TRPM2: variants seen among roughly 807,000 people sequenced by gnomAD.
TRPM2 encodes the protein transient receptor potential cation channel subfamily M member 2.
TRPM2 carries 161 observed loss-of-function variants against 174.0 expected under a neutral mutation model. The ratio of observed to expected loss-of-function variants is 0.93; its 90% CI spans 0.81 to 1.05. The LOEUF is 1.05. Among genes scored for constraint, TRPM2 ranks in the 50% least tolerant of loss-of-function variants. TRPM2 has a pLI of 0.00. For missense variants in TRPM2, 2,057 were observed against 2,038.0 expected, an observed-to-expected ratio of 1.01 and a Z score of -0.18; for synonymous variants, 954 against 861.3, an observed-to-expected ratio of 1.11 and a Z score of -1.88.
Position 44,358,009 on chromosome 21 carries a change from C to T in TRPM2, c.254+3273C>T, listed in dbSNP as rs1317081552. ...CCAGGGCGGAACGAGTGGTGAGCATCGTCTGCCACAAACACAGCTTTTCAA... is the reference window on the plus strand; with the variant it reads ...CCAGGGCGGAACGAGTGGTGAGCATTGTCTGCCACAAACACAGCTTTTCAA... On this transcript the variant is annotated intron_variant, in intron 2 of 31. Coordinates refer to ENST00000397928, the MANE Select transcript of TRPM2 (RefSeq NM_003307.4). 3.3e-5 allele frequency among the ~76,000 whole-genome samples: 5 copies of T among 152,290 alleles called. No individual in the cohort carries two copies. In the East Asian group the frequency reaches 7.7e-4, roughly 23 times the overall value.
chr21:44,418,608 C>A, intron 22 of TRPM2, 53 bp downstream of exon 22: 1 of 1,600,848 alleles, frequency 6.2e-7, no homozygotes, highest in Non-Finnish European at 8.5e-7. Flanking sequence ...GGACCTCCTG[C>A]AGGTCCACAG....
At position 44,399,561 on chromosome 21, in the gene TRPM2, C is replaced by A; in HGVS notation, c.2208+120C>A. ...ACAGGCTTCAGGGCCCTCAGCAGCT[C>A]GGGGACAGCGCCTGACCCCTCGGCC... On this transcript the variant is annotated intron_variant, in intron 14 of 31. Transcript: ENST00000397928. The surrounding 1 kb of genome is among the most constrained non-coding windows in gnomAD (Gnocchi z 4.6). 1 of 1,366,798 alleles carries A rather than the reference C, an allele frequency of 7.3e-7. No homozygotes were observed. The highest frequency in any genetic ancestry group is 9.6e-7 in the Non-Finnish European group (1 of 1,036,962). 84.7% of individuals were successfully genotyped at this position (1,366,798 alleles called of 1,614,324 possible).
Position 44,397,769 on chromosome 21 carries a change from C to T in TRPM2, c.1955C>T (p.Ala652Val). ...WAQSQDCIAA[A>V]LACSKILKEL... ...CAGAGCCAGGACTGCATCGCAGCGG[C>T]CTTGGCCTGCAGCAAGATCCTGAAG... is the stretch of plus-strand genomic sequence containing the variant. Residue 652 changes from alanine (A) to valine (V), a missense_variant, in exon 13 of 32, where the codon GCC (alanine) becomes GTC (valine). Transcript: ENST00000397928. 6.3e-7 allele frequency: 1 copy of T among 1,598,960 alleles called. No homozygotes were observed. Among genetic ancestry groups the T allele is most frequent in the Non-Finnish European group, 8.5e-7 (1 of 1,172,726 alleles).
rs866142073 is a variant in TRPM2 at position 44,430,419 on chromosome 21, T to A, written c.3974+3308T>A. On this transcript the variant is annotated intron_variant, in intron 27 of 31. Coordinates refer to ENST00000397928, the MANE Select transcript of TRPM2 (RefSeq NM_003307.4). The stretch of plus-strand genomic sequence containing the variant: ...ACATATTTTGAGCAAGTGGATTTCT[T>A]TTTTTTTTTTTTTTTTTTTTTGAGA... Among the ~76,000 whole-genome samples the A allele has an allele frequency of 5.6e-4, 4 of 7,168 alleles. 2 individuals are homozygous for A. Among genetic ancestry groups the A allele is most frequent in the Non-Finnish European group, 1.2e-3 (4 of 3,446 alleles). The allele number at this position is 7,168 out of a possible 152,430, so 4.7% of individuals were successfully genotyped here. A position where few individuals can be genotyped will look rare whatever the true frequency, so the allele number is the denominator to read the frequency against.
At chr21:44,418,636 C>T (rs1048423348) in intron 22 of TRPM2, 81 bp downstream of exon 22, 10 of 1,555,096 alleles carry the variant, frequency 6.4e-6, no homozygotes, top group Non-Finnish European at 8.8e-6. Flanking sequence ...GAGTACATGT[C>T]CCACCTGGGG....
At chr21:44,406,070 C>G in intron 18 of TRPM2, 33 bp downstream of exon 18, 1 of 1,598,526 alleles carries the variant, frequency 6.3e-7, no homozygotes, top group African/African-American at 1.3e-5. Flanking sequence ...TCCATCGCGG[C>G]CTGCAGCCCA....
intron 21 of TRPM2, 126 bp downstream of exon 21, chr21:44,418,234 G>C (rs2050384614): frequency 1.4e-6 from 2 of 1,406,520 alleles, no homozygotes; most frequent in Non-Finnish European, 1.9e-6. Context: ...TCAGGCTGCT[G>C]GCCTTCTGCT....
At chr21:44,437,454 C>T (rs1405577439) in intron 29 of TRPM2, among the ~76,000 whole-genome samples, 1 of 152,192 alleles carries the variant, frequency 6.6e-6, no homozygotes, top group African/African-American at 2.4e-5. Flanking sequence ...TGGAGGCCAC[C>T]TGGGCTCCCC....
intron 19 of TRPM2, among the ~76,000 whole-genome samples, chr21:44,409,902 C>CTTGG (rs777275069): frequency 3.4e-5 from 5 of 147,542 alleles, no homozygotes; most frequent in African/African-American, 5.0e-5. Flanking sequence ...ACCGCACTGT[C>CTTGG]TTGGCGTAGC....
chr21:44,405,924 T>A lies in TRPM2; in HGVS notation c.2677T>A (p.Tyr893Asn). ...GGCCAGGCTCATCCCGGCGACGCTG[T>A]ACCCCGGGCGCGTCATCCTCTCTCT... ...LTCRLIPATL[Y>N]PGRVILSLDF... The change falls in exon 18 of 32, where the codon TAC becomes AAC. Residue 893 changes from tyrosine to asparagine, a missense_variant. Transcript: ENST00000397928. 6.2e-7 allele frequency: 1 copy of A among 1,605,268 alleles called. No homozygotes were observed. The highest frequency in any genetic ancestry group is 8.5e-7 in the Non-Finnish European group (1 of 1,179,660).
At chr21:44,381,531 T>G (rs1232828270) in intron 8 of TRPM2, among the ~76,000 whole-genome samples, 2 of 146,500 alleles carry the variant, frequency 1.4e-5, no homozygotes, top group Admixed American at 6.8e-5. Flanking sequence ...GATGGATGGA[T>G]GGATGGAGGG....
intron 17 of TRPM2, 22 bp downstream of exon 17, chr21:44,405,282 G>T: frequency 6.2e-7 from 1 of 1,610,358 alleles, no homozygotes. Flanking sequence ...CACCCCGATG[G>T]CGGGCCCGTC....
chr21:44,427,078 A>T lies in TRPM2; in HGVS notation c.3941A>T (p.His1314Leu). The change falls in exon 27 of 32, where the codon CAC (histidine) becomes CTC (leucine). Residue 1314 changes from histidine to leucine, a missense_variant. Transcript: ENST00000397928. ...GGCCTGAGGGACCGCCGGAGCTTCC[A>T]CGGGCCGTACACAGTGCAGGCCGGG... ...VDGLRDRRSF[H>L]GPYTVQAGLP... 6.2e-7 allele frequency: 1 copy of T among 1,605,084 alleles called. No individual in the cohort carries two copies. The highest frequency in any genetic ancestry group is 8.5e-7 in the Non-Finnish European group (1 of 1,176,638).
intron 19 of TRPM2, among the ~76,000 whole-genome samples, chr21:44,412,442 C>T (rs1332540778): frequency 6.6e-6 from 1 of 151,822 alleles, no homozygotes; most frequent in Non-Finnish European, 1.5e-5. Context: ...TAGTAATATC[C>T]TCTCTTTCAT....
chr21:44,375,307 C>A (rs139294871), intron 5 of TRPM2, among the ~76,000 whole-genome samples: 2 of 152,358 alleles, frequency 1.3e-5, no homozygotes, highest in Non-Finnish European at 2.9e-5. Flanking sequence ...CGTCGTCTCC[C>A]CATTGCCGGT....
chr21:44,357,599 C>A (rs370328669), intron 2 of TRPM2, among the ~76,000 whole-genome samples: 4 of 152,220 alleles, frequency 2.6e-5, no homozygotes, highest in Non-Finnish European at 5.9e-5. Flanking sequence ...AAAGCCCATT[C>A]GAGGCTCAGA....
chr21:44,426,508 A>AGCC, intron 25 of TRPM2, 152 bp from the exon 26 acceptor site: 1 of 797,716 alleles, frequency 1.3e-6, no homozygotes, highest in Non-Finnish European at 2.1e-6. Flanking sequence ...TCTGCCTGGC[A>AGCC]CCCGGATCTG....
chr21:44,360,567 TC>T (rs2048181708), intron 2 of TRPM2, among the ~76,000 whole-genome samples: 1 of 96,590 alleles, frequency 1.0e-5, no homozygotes, highest in East Asian at 3.3e-4. Context: ...TAGTTTTATG[TC>T]TTTTTTTTTT....
At chr21:44,428,415 CTCCTCCCCTTAGGTG>C (rs1209586797) in intron 27 of TRPM2, among the ~76,000 whole-genome samples, 5 of 149,242 alleles carry the variant, frequency 3.4e-5, no homozygotes, top group African/African-American at 1.2e-4. Context: ...TTAGGTGTGG[CTCCTCCCCTTAGGTG>C]TGGCTCCTCC....
Sources: gnomAD v4.1 joint callset for allele counts (sites outside exome capture counted in the v4.1 genomes callset) on GRCh38, gnomAD v4.1.1 for gene constraint, Gnocchi (gnomAD v3.1) non-coding constraint, MANE v1.5 for transcripts, NCBI Gene and HGNC (gene_info 2026-07-23, HGNC 2026-07-21) for gene names.